Variants in HRH1 observed in about 807,000 individuals in gnomAD.
The protein encoded by HRH1 is histamine receptor H1, also known as histamine H1 receptor.
In HRH1, 6 loss-of-function variants were observed where a neutral mutation model predicts 10.3. The ratio of observed to expected loss-of-function variants is 0.58; its 90% CI spans 0.32 to 1.15. The LOEUF is 1.15. HRH1 is among the 50% of genes most tolerant of loss of function. HRH1 has a pLI of 0.05. For missense variants in HRH1, 514 were observed against 615.3 expected (o/e 0.84, Z 1.74); for synonymous variants, 242 against 236.7 (o/e 1.02, Z -0.21).
chr3:11,141,560 G>C (rs1936291964), intron 1 of HRH1, among the ~76,000 whole-genome samples: 1 of 152,174 alleles, frequency 6.6e-6, no homozygotes, highest in Non-Finnish European at 1.5e-5. Flanking sequence ...GTTGATGCTG[G>C]CTGTTGGTGG....
chr3:11,188,946 G>C (rs1165994440), intron 1 of HRH1, among the ~76,000 whole-genome samples: 1 of 152,200 alleles, frequency 6.6e-6, no homozygotes, highest in Non-Finnish European at 1.5e-5. Context: ...AGTATCATTA[G>C]ACTTAATTTC....
chr3:11,206,643 G>A (rs1427242376), intron 1 of HRH1, among the ~76,000 whole-genome samples: 4 of 152,226 alleles, frequency 2.6e-5, no homozygotes, highest in Non-Finnish European at 1.5e-5. Context: ...ATAGATGCAG[G>A]GACCAAGGCG....
chr3:11,179,144 T>A (rs976305763), intron 1 of HRH1, among the ~76,000 whole-genome samples: 1 of 151,832 alleles, frequency 6.6e-6, no homozygotes, highest in Non-Finnish European at 1.5e-5. Context: ...AAAAATTAGC[T>A]GGGCGTGGTG....
At chr3:11,221,158 C>T (rs685357) in intron 1 of HRH1, among the ~76,000 whole-genome samples, 2 of 152,152 alleles carry the variant, frequency 1.3e-5, no homozygotes, top group Non-Finnish European at 2.9e-5. Context: ...TCTTAAGATG[C>T]CCTTAAGTTG....
upstream of HRH1, among the ~76,000 whole-genome samples, chr3:11,154,223 C>T (rs146971489): frequency 6.6e-6 from 1 of 152,274 alleles, no homozygotes; most frequent in Non-Finnish European, 1.5e-5. This position sits in a 1 kb window ranked among gnomAD's most constrained non-coding sequence, Gnocchi z 4.4. Context: ...GTCCGCCTCG[C>T]AGAGCCCGAG....
At chr3:11,233,235 A>C (rs1939090006) in intron 1 of HRH1, among the ~76,000 whole-genome samples, 1 of 152,070 alleles carries the variant, frequency 6.6e-6, no homozygotes, top group African/African-American at 2.4e-5. Context: ...TGATTATATG[A>C]ATGTTAGATC....
At position 11,260,541 on chromosome 3, in the gene HRH1, T is replaced by C. The variant is rs548266241; in HGVS notation, c.*40T>C. The stretch of plus-strand genomic sequence containing the variant: ...GGATGCAACAAAATGATCCTTATGA[T>C]GTCCAACAAGGAAATAGAGGACGAA... On this transcript the variant is annotated 3_prime_UTR_variant, in exon 2 of 2. Coordinates refer to ENST00000431010, the MANE Select transcript of HRH1 (RefSeq NM_001098212.2). The C allele has an allele frequency of 3.9e-6, 6 of 1,525,546 alleles. No individual in the cohort carries two copies. The African/African-American group carries it at 6.9e-5, about 18-fold the overall frequency. 94.5% of individuals were successfully genotyped at this position (1,525,546 alleles called of 1,614,324 possible). A position where few individuals can be genotyped will look rare whatever the true frequency, so the allele number is the denominator to read the frequency against.
chr3:11,249,501 G>C (rs537721634), intron 1 of HRH1, among the ~76,000 whole-genome samples: 1 of 152,020 alleles, frequency 6.6e-6, no homozygotes, highest in South Asian at 2.1e-4. Flanking sequence ...TATCCTATAG[G>C]GTCTGTCCCT....
intron 1 of HRH1, among the ~76,000 whole-genome samples, chr3:11,165,467 G>T (rs565088979): frequency 7.4e-4 from 112 of 152,188 alleles, no homozygotes; most frequent in East Asian, 1.7e-3. Context: ...GATTTAGGGG[G>T]TTTTTTTCCT....
intron 1 of HRH1, among the ~76,000 whole-genome samples, chr3:11,222,625 G>A (rs1347637514): frequency 6.6e-6 from 1 of 152,110 alleles, no homozygotes; most frequent in African/African-American, 2.4e-5. Context: ...GAAGATGGCA[G>A]GCTGACGGGA....
At chr3:11,196,188 G>A (rs2125024296) in intron 1 of HRH1, among the ~76,000 whole-genome samples, 1 of 152,284 alleles carries the variant, frequency 6.6e-6, no homozygotes, top group East Asian at 1.9e-4. Flanking sequence ...GCATGATCCA[G>A]CCTCTGCCTA....
At chr3:11,153,694 G>C (rs1250609063), upstream of HRH1, among the ~76,000 whole-genome samples, 1 of 152,098 alleles carries the variant, frequency 6.6e-6, no homozygotes, top group Non-Finnish European at 1.5e-5. Context: ...AAGGCAGCCA[G>C]GAAGAATCCT....
intron 1 of HRH1, among the ~76,000 whole-genome samples, chr3:11,204,808 T>G (rs1938057437): frequency 6.6e-6 from 1 of 152,200 alleles, no homozygotes; most frequent in African/African-American, 2.4e-5. Context: ...TCCCAAAGCT[T>G]GATTCCAAAT....
chr3:11,138,231 C>G (rs971192817), intron 1 of HRH1, among the ~76,000 whole-genome samples: 1 of 145,784 alleles, frequency 6.9e-6, no homozygotes, highest in African/African-American at 2.6e-5. Flanking sequence ...ACCGTGTTAG[C>G]CAGGATGGTC....
At chr3:11,144,997 T>G (rs1936403386) in intron 1 of HRH1, among the ~76,000 whole-genome samples, 2 of 152,202 alleles carry the variant, frequency 1.3e-5, no homozygotes, top group African/African-American at 4.8e-5. Flanking sequence ...CCTGTCCCGC[T>G]ATACTGCTGG....
At chr3:11,158,190 T>C (rs1444177267) in intron 1 of HRH1, among the ~76,000 whole-genome samples, 2 of 152,232 alleles carry the variant, frequency 1.3e-5, no homozygotes, top group African/African-American at 4.8e-5. Flanking sequence ...CATTCAGCAA[T>C]GCCCTTGATG....
At chr3:11,199,063 AC>A (rs1937796232) in intron 1 of HRH1, among the ~76,000 whole-genome samples, 1 of 151,968 alleles carries the variant, frequency 6.6e-6, no homozygotes, top group African/African-American at 2.4e-5. Flanking sequence ...TGCTAGAATT[AC>A]AGGTGCATTC....
At chr3:11,161,207 C>G (rs950442366) in intron 1 of HRH1, among the ~76,000 whole-genome samples, 4 of 152,226 alleles carry the variant, frequency 2.6e-5, no homozygotes, top group African/African-American at 7.2e-5. Flanking sequence ...GACCGGAGAT[C>G]TGTGCCATGC....
chr3:11,192,606 A>G (rs919137720), intron 1 of HRH1, among the ~76,000 whole-genome samples: 9 of 152,134 alleles, frequency 5.9e-5, no homozygotes, highest in Admixed American at 1.3e-4. Context: ...TTGTTTGTTC[A>G]ATAAGAGTAA....
Sources: gnomAD v4.1 joint callset for allele counts (sites outside exome capture counted in the v4.1 genomes callset) on GRCh38, gnomAD v4.1.1 for gene constraint, Gnocchi (gnomAD v3.1) non-coding constraint, MANE v1.5 for transcripts, NCBI Gene and HGNC (gene_info 2026-07-23, HGNC 2026-07-21) for gene names.